Variants in GRIK1 observed in about 807,000 individuals in gnomAD.
GRIK1 encodes glutamate receptor ionotropic, kainate 1.
In GRIK1, 69 loss-of-function variants were observed where a neutral mutation model predicts 105.7. The ratio of observed to expected loss-of-function variants is 0.65; its 90% CI spans 0.54 to 0.80. The LOEUF is 0.80. Ranked by LOEUF, GRIK1 falls within the 30% of genes least tolerant of loss-of-function variation. The pLI is 0.00. For missense variants in GRIK1, 1,109 were observed against 1,167.3 expected, an observed-to-expected ratio of 0.95 and a Z score of 0.73; for synonymous variants, 438 against 431.3, an observed-to-expected ratio of 1.02 and a Z score of -0.19.
chr21:29,745,874 C>T (rs1158248948), intron 1 of GRIK1, among the ~76,000 whole-genome samples: 5 of 152,062 alleles, frequency 3.3e-5, no homozygotes, highest in East Asian at 1.9e-4. Flanking sequence ...GAGGCCAAGG[C>T]GGGGGGATCA....
intron 7 of GRIK1, among the ~76,000 whole-genome samples, chr21:29,621,073 C>G (rs2061991116): frequency 6.6e-6 from 1 of 151,876 alleles, no homozygotes; most frequent in Admixed American, 6.6e-5. Flanking sequence ...TTGGAGGACA[C>G]TGACTAAACC....
intron 7 of GRIK1, among the ~76,000 whole-genome samples, chr21:29,640,616 T>C (rs1344062508): frequency 6.6e-6 from 1 of 152,226 alleles, no homozygotes; most frequent in African/African-American, 2.4e-5. Context: ...TCTTTAAATA[T>C]GCCTAAATGT....
intron 1 of GRIK1, among the ~76,000 whole-genome samples, chr21:29,715,057 A>T (rs2064145913): frequency 1.3e-5 from 2 of 152,320 alleles, no homozygotes; most frequent in Non-Finnish European, 2.9e-5. Flanking sequence ...CTCTTAAATG[A>T]TCTGGGGAAC....
chr21:29,832,941 C>T (rs774754906), intron 1 of GRIK1, among the ~76,000 whole-genome samples: 1 of 145,690 alleles, frequency 6.9e-6, no homozygotes, highest in Non-Finnish European at 1.5e-5. Flanking sequence ...TTCCAGATCA[C>T]TTATTTGCTC....
At chr21:29,802,672 C>T (rs2066744399) in intron 1 of GRIK1, among the ~76,000 whole-genome samples, 1 of 152,128 alleles carries the variant, frequency 6.6e-6, no homozygotes. Flanking sequence ...AATTTCAAGC[C>T]TCCATGTCTA....
At chr21:29,672,165 C>G (rs766425895) in intron 4 of GRIK1, among the ~76,000 whole-genome samples, 5 of 149,556 alleles carry the variant, frequency 3.3e-5, no homozygotes, top group African/African-American at 7.4e-5. Context: ...TCAAGCGATT[C>G]TCCTGCCTCA....
intron 1 of GRIK1, among the ~76,000 whole-genome samples, chr21:29,885,549 T>G (rs1052254235): frequency 2.6e-5 from 4 of 152,070 alleles, no homozygotes; most frequent in African/African-American, 9.7e-5. Flanking sequence ...TGAAAGATAT[T>G]GTCTTAGAAA....
chr21:29,696,260 A>G (rs909524591), intron 1 of GRIK1, among the ~76,000 whole-genome samples: 9 of 152,246 alleles, frequency 5.9e-5, no homozygotes, highest in African/African-American at 1.9e-4. Context: ...TGAAAATTGT[A>G]TGACAATACA....
chr21:29,857,503 AC>A (rs2068499574), intron 1 of GRIK1, among the ~76,000 whole-genome samples: 1 of 152,218 alleles, frequency 6.6e-6, no homozygotes, highest in Non-Finnish European at 1.5e-5. Context: ...CTGGGAAATA[AC>A]AATGAAAACA....
chr21:29,612,552 G>A (rs1185357532), intron 7 of GRIK1, among the ~76,000 whole-genome samples: 3 of 152,062 alleles, frequency 2.0e-5, no homozygotes, highest in Non-Finnish European at 4.4e-5. Flanking sequence ...CATTGTCAGT[G>A]CATTCATTTC....
chr21:29,631,783 A>C (rs7509953), intron 7 of GRIK1, among the ~76,000 whole-genome samples: 1 of 152,152 alleles, frequency 6.6e-6, no homozygotes, highest in Non-Finnish European at 1.5e-5. Flanking sequence ...AAATAAAATA[A>C]GTTATTAAAA....
chr21:29,778,550 T>A (rs1315852224), intron 1 of GRIK1, among the ~76,000 whole-genome samples: 1 of 152,162 alleles, frequency 6.6e-6, no homozygotes, highest in Non-Finnish European at 1.5e-5. Flanking sequence ...CTTTTCTCTG[T>A]GTACTTAAGC....
rs1261417714 is a variant in GRIK1 at position 29,576,963 on chromosome 21, C to T, written c.2130+1G>A. On this transcript the variant is annotated splice_donor_variant, in intron 14 of 17. Coordinates refer to ENST00000327783, the MANE Select transcript of GRIK1 (RefSeq NM_001330994.2). LOFTEE classifies it high-confidence loss of function. ...CTGAGAACACTTTGTCAGCTTCTTA[C>T]CTTGAAGAAGGTCATTGTTGATCCA... The T allele has an allele frequency of 1.3e-6, 2 of 1,562,690 alleles. No individual in the cohort carries two copies. Among genetic ancestry groups the T allele is most frequent in the Non-Finnish European group, 1.8e-6 (2 of 1,135,256 alleles).
intron 15 of GRIK1, 123 bp from the exon 16 acceptor site, chr21:29,555,425 T>A (rs2090227545): frequency 1.2e-6 from 1 of 869,236 alleles, no homozygotes; most frequent in Non-Finnish European, 1.8e-6. Flanking sequence ...ATCCACAAAT[T>A]GACTTGCAAA....
intron 1 of GRIK1, among the ~76,000 whole-genome samples, chr21:29,720,374 A>C (rs2064288741): frequency 6.6e-6 from 1 of 152,114 alleles, no homozygotes; most frequent in Non-Finnish European, 1.5e-5. Flanking sequence ...AAATCTTGCT[A>C]CCTCTAAGTG....
intron 1 of GRIK1, among the ~76,000 whole-genome samples, chr21:29,724,202 C>CA (rs2064394336): frequency 6.6e-6 from 1 of 152,198 alleles, no homozygotes; most frequent in African/African-American, 2.4e-5. Flanking sequence ...TGACATCAGT[C>CA]AAATGGTTGT....
At chr21:29,900,105 T>G (rs867252853) in intron 1 of GRIK1, among the ~76,000 whole-genome samples, 156 of 130,390 alleles carry the variant, frequency 1.2e-3, no homozygotes, top group Middle Eastern at 4.2e-3. Context: ...AAAAAGAAAA[T>G]AAAAAGAAAA....
intron 13 of GRIK1, among the ~76,000 whole-genome samples, chr21:29,581,111 G>T (rs1285988259): frequency 6.6e-6 from 1 of 152,132 alleles, no homozygotes; most frequent in Non-Finnish European, 1.5e-5. Context: ...TTATGGCTGA[G>T]AAGGAGAAGA....
At chr21:29,910,505 T>G (rs1433712678) in intron 1 of GRIK1, among the ~76,000 whole-genome samples, 2 of 152,136 alleles carry the variant, frequency 1.3e-5, no homozygotes, top group African/African-American at 2.4e-5. Context: ...TCTCCTCTTG[T>G]CAAACAAAGT....
Sources: gnomAD v4.1 joint callset for allele counts (sites outside exome capture counted in the v4.1 genomes callset) on GRCh38, gnomAD v4.1.1 for gene constraint, MANE v1.5 for transcripts, NCBI Gene and HGNC (gene_info 2026-07-23, HGNC 2026-07-21) for gene names.